Variants in RNF4 observed in about 807,000 individuals in gnomAD.
RNF4 encodes the protein E3 ubiquitin-protein ligase RNF4.
Under a neutral mutation model 24.3 loss-of-function variants are expected in RNF4, and 7 were observed. That is an observed-to-expected ratio of 0.29 (90% CI 0.16 to 0.54). The LOEUF (loss-of-function observed/expected upper bound fraction) is 0.54. Among genes scored for constraint, RNF4 ranks in the 20% least tolerant of loss-of-function variants. The pLI is 0.95. For synonymous variants in RNF4, 83 were observed against 84.3 expected (o/e 0.98, Z 0.09); for missense variants, 209 against 248.5 (o/e 0.84, Z 1.07).
intron 2 of RNF4, among the ~76,000 whole-genome samples, chr4:2,495,596 G>A (rs921197400): frequency 4.8e-5 from 7 of 146,988 alleles, no homozygotes; most frequent in African/African-American, 1.8e-4. Context: ...AACACCAGTG[G>A]GAATACAAGG....
chr4:2,515,391 G>A lies in RNF4; in HGVS notation c.*1572G>A, dbSNP rs1736386663. On this transcript the variant is annotated 3_prime_UTR_variant, in exon 8 of 8. Transcript: ENST00000314289. ...AATGAAAATAATAATTTTCTACTTG[G>A]AGTTGAAGAGGGCAGAATCCGCAGC... 6.6e-6 allele frequency: 1 copy of A among 152,574 alleles called. No homozygotes were observed. The highest frequency in any genetic ancestry group is 2.4e-5 in the African/African-American group (1 of 41,442). The allele number at this position is 152,574 out of a possible 1,614,324, so 9.5% of individuals were successfully genotyped here.
At chr4:2,477,086 G>C (rs1578498389) in intron 1 of RNF4, among the ~76,000 whole-genome samples, 1 of 152,056 alleles carries the variant, frequency 6.6e-6, no homozygotes, top group African/African-American at 2.4e-5. Context: ...CCTGCCTACA[G>C]CCTCAAACTT....
chr4:2,492,570 T>C (rs1209000937), intron 2 of RNF4, among the ~76,000 whole-genome samples: 1 of 152,242 alleles, frequency 6.6e-6, no homozygotes, highest in Non-Finnish European at 1.5e-5. Flanking sequence ...TTTCTTCCAG[T>C]GCTCCAGAAG....
intron 4 of RNF4, among the ~76,000 whole-genome samples, chr4:2,511,718 A>T (rs1481764497): frequency 6.6e-6 from 1 of 152,106 alleles, no homozygotes; most frequent in African/African-American, 2.4e-5. Context: ...TCCACTAAAC[A>T]CCCAGCAGGG....
intron 2 of RNF4, chr4:2,490,816 T>C (rs1414892791): frequency 8.1e-6 from 2 of 246,972 alleles, no homozygotes; most frequent in African/African-American, 2.2e-5. Flanking sequence ...TTAAAATTGT[T>C]TGTAGACTGG....
chr4:2,484,875 A>G (rs373155970), intron 1 of RNF4, among the ~76,000 whole-genome samples: 40 of 152,074 alleles, frequency 2.6e-4, no homozygotes, highest in East Asian at 2.3e-3. Context: ...TCAGTCTCCC[A>G]TCTGTTCTCA....
At chr4:2,477,378 A>C (rs1735110556) in intron 1 of RNF4, among the ~76,000 whole-genome samples, 1 of 152,048 alleles carries the variant, frequency 6.6e-6, no homozygotes, top group Non-Finnish European at 1.5e-5. Flanking sequence ...CGAGGTTAGG[A>C]GTTCAAGATG....
chr4:2,503,738 G>C (rs1735985339), intron 4 of RNF4, among the ~76,000 whole-genome samples: 1 of 152,170 alleles, frequency 6.6e-6, no homozygotes, highest in African/African-American at 2.4e-5. Context: ...CGTGTGTTCA[G>C]GGTGACCCTA....
chr4:2,474,097 C>T (rs1734995328), intron 1 of RNF4, among the ~76,000 whole-genome samples: 3 of 151,566 alleles, frequency 2.0e-5, no homozygotes, highest in Admixed American at 6.6e-5. Flanking sequence ...ATAAAAGGGC[C>T]AGGCAAGGTG....
chr4:2,496,930 C>A (rs1012204363), intron 2 of RNF4, 77 bp from the exon 3 acceptor site: 41 of 1,053,482 alleles, frequency 3.9e-5, no homozygotes, highest in South Asian at 7.7e-5. Flanking sequence ...TGAACCATTT[C>A]TATTGCCCAT....
chr4:2,471,271 A>G (rs1734900255), intron 1 of RNF4, among the ~76,000 whole-genome samples: 1 of 151,916 alleles, frequency 6.6e-6, no homozygotes, highest in Non-Finnish European at 1.5e-5. Flanking sequence ...CCAGCCCCAA[A>G]CCTTTTCATT....
At chr4:2,500,541 T>TA in intron 3 of RNF4, 118 bp from the exon 4 acceptor site, 1 of 985,954 alleles carries the variant, frequency 1.0e-6, no homozygotes, top group Non-Finnish European at 1.5e-6. Flanking sequence ...AGTGTATACT[T>TA]CAGGATTGTT....
rs1223019770 is a variant in RNF4, at chr4:2,512,112, C to T, written c.214+147C>T. On this transcript the variant is annotated intron_variant, in intron 5 of 7. Transcript: ENST00000314289. This position sits in a 1 kb window ranked among gnomAD's most constrained non-coding sequence, Gnocchi z 4.1. ...TGCCTTCGCAGATGCTGTGGTCAGA[C>T]CCACACAGCCAGTCCCCCTTGTGCC... is the stretch of plus-strand genomic sequence containing the variant. 16 of 729,522 alleles carry T rather than the reference C, an allele frequency of 2.2e-5. No individual in the cohort carries two copies. Among genetic ancestry groups the T allele is most frequent in the Non-Finnish European group, 3.7e-5 (16 of 433,324 alleles). 45.2% of individuals were successfully genotyped at this position (729,522 alleles called of 1,614,324 possible). A position where few individuals can be genotyped will look rare whatever the true frequency, so the allele number is the denominator to read the frequency against.
chr4:2,505,722 CCTTT>C (rs1736078554), intron 4 of RNF4: 2 of 112,690 alleles, frequency 1.8e-5, no homozygotes, highest in Admixed American at 1.1e-4. Context: ...TCATGGTCTG[CCTTT>C]TTTTTTTTTT....
intron 2 of RNF4, among the ~76,000 whole-genome samples, chr4:2,491,006 T>C (rs1560405947): frequency 6.6e-6 from 1 of 152,186 alleles, no homozygotes; most frequent in Admixed American, 6.5e-5. Flanking sequence ...GAAGATTCCT[T>C]GAGCCCAAGA....
chr4:2,511,796 G>A (rs1736275679), intron 4 of RNF4, among the ~76,000 whole-genome samples, 160 bp from the exon 5 acceptor site: 1 of 152,200 alleles, frequency 6.6e-6, no homozygotes, highest in Non-Finnish European at 1.5e-5. Flanking sequence ...TGGGAGAGGT[G>A]CACAGATCCT....
rs578019614 is a variant in RNF4 at position 2,471,315 on chromosome 4, T to G, written c.-158+2057T>G. ...TGTTATAGTGACCTGTGATCAATGT[T>G]TTGGGTTACCATGAATAGCACTCAT... On this transcript the variant is annotated intron_variant, in intron 1 of 7. Coordinates refer to ENST00000314289, the MANE Select transcript of RNF4 (RefSeq NM_002938.5). 7.2e-5 allele frequency among the ~76,000 whole-genome samples: 11 copies of G among 152,322 alleles called. No homozygotes were observed. In the South Asian group the frequency reaches 2.3e-3, roughly 32 times the overall value.
At chr4:2,490,540 G>A (rs1162223291) in intron 2 of RNF4, 38 bp downstream of exon 2, 1 of 1,597,694 alleles carries the variant, frequency 6.3e-7, no homozygotes, top group East Asian at 2.2e-5. Flanking sequence ...AATTTTGTAG[G>A]GCTAATTAAC....
intron 1 of RNF4, among the ~76,000 whole-genome samples, chr4:2,486,706 C>A (rs1221954779): frequency 6.6e-6 from 1 of 152,122 alleles, no homozygotes. Context: ...CTTCAGCAGC[C>A]GTATTTGGAA....
Sources: gnomAD v4.1 joint callset for allele counts (sites outside exome capture counted in the v4.1 genomes callset) on GRCh38, gnomAD v4.1.1 for gene constraint, Gnocchi (gnomAD v3.1) non-coding constraint, MANE v1.5 for transcripts, NCBI Gene and HGNC (gene_info 2026-07-23, HGNC 2026-07-21) for gene names.